Variants in IL19 observed in about 807,000 individuals in gnomAD.
IL19 encodes interleukin-19.
IL19 carries 15 observed loss-of-function variants against 19.5 expected under a neutral mutation model. That is an observed-to-expected ratio of 0.77 (90% CI 0.52 to 1.19). IL19 has a LOEUF of 1.19. IL19 is among the 50% of genes most tolerant of loss of function. IL19 has a pLI of 0.00. For missense variants in IL19, 199 were observed against 213.1 expected, an observed-to-expected ratio of 0.93 and a Z score of 0.41; for synonymous variants, 78 against 78.3, an observed-to-expected ratio of 1.00 and a Z score of 0.02.
chr1:206,842,780 C>G lies in IL19; in HGVS notation c.*158C>G, dbSNP rs1798. On this transcript the variant is annotated 3_prime_UTR_variant, in exon 7 of 7. Transcript: ENST00000659997. The stretch of plus-strand genomic sequence containing the variant: ...GCTGTCTTATTCCGCTTGAAAATAG[C>G]CAAAAAGTCTACTGTGGTATTTGTA... The G allele has an allele frequency of 0.17, 89,835 of 539,020 alleles. 9,284 individuals carry two copies. The highest frequency in any genetic ancestry group is 0.37 in the East Asian group (12,608 of 33,786). The allele number at this position is 539,020 out of a possible 1,614,324, so 33.4% of individuals were successfully genotyped here.
chr1:206,793,242 T>G (rs1388344544), intron 1 of IL19, among the ~76,000 whole-genome samples: 1 of 152,234 alleles, frequency 6.6e-6, no homozygotes, highest in Non-Finnish European at 1.5e-5. Context: ...TCTCTTCATC[T>G]CAGGGAGCTG....
chr1:206,823,369 T>C (rs1029218466), intron 2 of IL19, among the ~76,000 whole-genome samples: 2 of 151,852 alleles, frequency 1.3e-5, no homozygotes, highest in African/African-American at 4.8e-5. Flanking sequence ...CTGGCAAACA[T>C]GGTGAAACCC....
Position 206,771,300 on chromosome 1 carries a change from T to C in IL19, c.-149+222T>C, listed in dbSNP as rs1518111. On this transcript the variant is annotated intron_variant, in intron 1 of 6. Transcript: ENST00000659997. ...AATTCCCTGCAATCAGGAAGCAGAG[T>C]CTCCCTTCCCTTAATCATGCTGCAC... is the stretch of plus-strand genomic sequence containing the variant. The C allele has an allele frequency of 0.75, 1,105,582 of 1,471,248 alleles. 423,676 individuals are homozygous for C. The highest frequency in any genetic ancestry group is 0.8 in the Non-Finnish European group (836,328 of 1,051,344). The allele number at this position is 1,471,248 out of a possible 1,614,324, so 91.1% of individuals were successfully genotyped here.
At chr1:206,841,812 T>C (rs1218138720) in intron 6 of IL19, among the ~76,000 whole-genome samples, 8 of 152,206 alleles carry the variant, frequency 5.3e-5, no homozygotes, top group Admixed American at 5.2e-4. Flanking sequence ...TTAACACACA[T>C]TCGTCCTTCC....
intron 1 of IL19, among the ~76,000 whole-genome samples, chr1:206,786,944 G>A (rs1024714520): frequency 1.3e-5 from 2 of 151,994 alleles, no homozygotes; most frequent in African/African-American, 4.8e-5. Flanking sequence ...ACCAAGCCAG[G>A]TTCACTTTTC....
At chr1:206,834,525 A>G (rs1676719145) in intron 2 of IL19, 4 of 781,128 alleles carry the variant, frequency 5.1e-6, no homozygotes, top group Non-Finnish European at 6.2e-6. Context: ...GATGCTGGGC[A>G]TTTGGTAGAA....
chr1:206,800,304 A>T (rs887499376), intron 2 of IL19, among the ~76,000 whole-genome samples: 1 of 152,194 alleles, frequency 6.6e-6, no homozygotes, highest in African/African-American at 2.4e-5. Flanking sequence ...AAGGATAGAA[A>T]TGTGTAAGTC....
At chr1:206,781,945 AGTTATATATACATATATATGTATAT>A (rs1558606371) in intron 1 of IL19, among the ~76,000 whole-genome samples, 70 of 65,128 alleles carry the variant, frequency 1.1e-3, no homozygotes, top group African/African-American at 3.6e-3. Context: ...ATATGTATAT[AGTTATATATACATATATATGTATAT>A]GTTATATATA....
chr1:206,772,644 A>T, intron 1 of IL19: 1 of 590,472 alleles, frequency 1.7e-6, no homozygotes, highest in Non-Finnish European at 3.0e-6. Context: ...TTAGTTTTCA[A>T]TTTTTGCATC....
chr1:206,812,859 A>G (rs978329466), intron 2 of IL19, among the ~76,000 whole-genome samples: 1 of 152,128 alleles, frequency 6.6e-6, no homozygotes, highest in African/African-American at 2.4e-5. Flanking sequence ...CATTTTATAC[A>G]GGTTTTGTTG....
intron 2 of IL19, among the ~76,000 whole-genome samples, chr1:206,804,240 A>G (rs1675789142): frequency 6.6e-6 from 1 of 152,202 alleles, no homozygotes; most frequent in South Asian, 2.1e-4. Context: ...CCAGGTCTTG[A>G]AAGTCATGAA....
intron 2 of IL19, among the ~76,000 whole-genome samples, chr1:206,826,938 C>A (rs1022402400): frequency 6.6e-6 from 1 of 152,200 alleles, no homozygotes; most frequent in South Asian, 2.1e-4. Flanking sequence ...GCCTCCGGTC[C>A]CAGCTCCACC....
chr1:206,840,986 TC>T lies in IL19; in HGVS notation c.364-16del. 1.2e-6 allele frequency: 2 copies of T among 1,610,050 alleles called. No individual in the cohort carries two copies. The highest frequency in any genetic ancestry group is 2.2e-5 in the South Asian group (2 of 90,998). ...GTGGAAATGTCCTCTGATAGGAGCT[TC>T]CTCCACTTTATCACAGCAGGAACAG... On this transcript the variant is annotated splice_polypyrimidine_tract_variant and intron_variant, in intron 5 of 6. Coordinates refer to ENST00000659997, the MANE Select transcript of IL19 (RefSeq NM_153758.5).
At chr1:206,789,915 T>C (rs1369309318) in intron 1 of IL19, among the ~76,000 whole-genome samples, 1 of 152,232 alleles carries the variant, frequency 6.6e-6, no homozygotes, top group Admixed American at 6.5e-5. Flanking sequence ...TCTCATTCTT[T>C]TTTCACTAAT....
At chr1:206,771,727 C>G (rs1674850604) in intron 1 of IL19, among the ~76,000 whole-genome samples, 1 of 152,204 alleles carries the variant, frequency 6.6e-6, no homozygotes, top group Non-Finnish European at 1.5e-5. Context: ...CTATGTCAAC[C>G]CTTCGGGGCC....
chr1:206,802,287 G>A (rs1357503707), intron 2 of IL19, among the ~76,000 whole-genome samples: 2 of 152,176 alleles, frequency 1.3e-5, no homozygotes, highest in Non-Finnish European at 2.9e-5. Flanking sequence ...AATTCAGGTT[G>A]CCTGGTGCCT....
chr1:206,839,004 G>T (rs1328832866), intron 4 of IL19, among the ~76,000 whole-genome samples: 1 of 152,210 alleles, frequency 6.6e-6, no homozygotes, highest in African/African-American at 2.4e-5. Flanking sequence ...TTTGCTTCTT[G>T]AATGAAGATG....
chr1:206,828,525 T>C (rs1572570373), intron 2 of IL19, among the ~76,000 whole-genome samples: 2 of 152,230 alleles, frequency 1.3e-5, no homozygotes, highest in South Asian at 2.1e-4. Context: ...GGGGTCTAGA[T>C]TGGGATCCTC....
chr1:206,837,023 G>C lies in IL19; in HGVS notation c.210G>C (p.Lys70Asn), dbSNP rs1430305681. ...CATTGGAGACTCTGCAGATCATTAA[G>C]GTATTGGCCTGTGTCTGCTTTTTCC... ...LSTLETLQII[K>N]PLDVCCVTKN... The change falls in exon 4 of 7, where the codon AAG becomes AAC. Residue 70 changes from lysine (K) to asparagine (N), a missense_variant and splice_region_variant. By Grantham distance (94) the Lys-to-Asn change is moderately conservative. Transcript: ENST00000659997. The C allele has an allele frequency of 6.2e-7, 1 of 1,611,436 alleles. No individual in the cohort carries two copies. Among genetic ancestry groups the C allele is most frequent in the African/African-American group, 1.3e-5 (1 of 74,868 alleles).
Sources: gnomAD v4.1 joint callset for allele counts (sites outside exome capture counted in the v4.1 genomes callset) on GRCh38, gnomAD v4.1.1 for gene constraint, MANE v1.5 for transcripts, NCBI Gene and HGNC (gene_info 2026-07-23, HGNC 2026-07-21) for gene names.